The following CUBN variants were observed in gnomAD, a reference collection of about 807,000 sequenced individuals.
CUBN encodes cubilin.
CUBN carries 282 observed loss-of-function variants against 405.3 expected under a neutral mutation model. The ratio of observed to expected loss-of-function variants is 0.70; its 90% CI spans 0.63 to 0.77. The LOEUF (loss-of-function observed/expected upper bound fraction) is 0.77, where lower values mean the gene tolerates loss of function less well. Ranked by LOEUF, CUBN falls within the 30% of genes least tolerant of loss-of-function variation. CUBN has a pLI of 0.00. For synonymous variants in CUBN, 1,684 were observed against 1,617.0 expected (o/e 1.04, Z -0.99); for missense variants, 4,514 against 4,475.2 (o/e 1.01, Z -0.25).
intron 8 of CUBN, among the ~76,000 whole-genome samples, chr10:17,111,257 T>C (rs1162351903): frequency 6.6e-6 from 1 of 152,224 alleles, no homozygotes; most frequent in African/African-American, 2.4e-5. Flanking sequence ...TCTTATATGC[T>C]GATAGCTAGA....
intron 22 of CUBN, among the ~76,000 whole-genome samples, chr10:17,052,010 A>G (rs1223000897): frequency 1.3e-5 from 2 of 151,770 alleles, no homozygotes; most frequent in Non-Finnish European, 2.9e-5. Context: ...TGAATCTATT[A>G]GAAAACAGAA....
At chr10:16,836,169 A>G in intron 63 of CUBN, 66 bp downstream of exon 63, 3 of 1,438,100 alleles carry the variant, frequency 2.1e-6, no homozygotes, top group Non-Finnish European at 9.8e-7. Context: ...AATAATTGTA[A>G]TTATTCTACG....
chr10:17,109,618 A>G, intron 10 of CUBN, 22 bp downstream of exon 10: 1 of 1,592,632 alleles, frequency 6.3e-7, no homozygotes, highest in Non-Finnish European at 8.6e-7. Context: ...ACCCAAAGCC[A>G]AAGAGAGAGA....
rs1400526427 is a variant in CUBN at position 17,123,606 on chromosome 10, G to A, written c.471C>T (p.Ile157=). 1 of 1,613,540 alleles carries A rather than the reference G, an allele frequency of 6.2e-7. No individual in the cohort carries two copies. Among genetic ancestry groups the A allele is most frequent in the East Asian group, 2.2e-5 (1 of 44,868 alleles). Residue 157 remains isoleucine, a synonymous_variant, in exon 5 of 67, where the codon ATC becomes ATT. Transcript: ENST00000377833. ...GACTCACCTTCCACTGTGGGGGACA[G>A]ATACAAAAAAAGGAATCATGCAGAT... ...CLNLHDSFFC[I]CPPQWKGPLC...
At position 17,127,911 on chromosome 10, in the gene CUBN, T is replaced by C. The variant is rs1423213819; in HGVS notation, c.266A>G (p.Lys89Arg). The change falls in exon 3 of 67, where the codon AAA (lysine) becomes AGA (arginine). Residue 89 changes from lysine to arginine, a missense_variant. Physicochemically the swap from Lys to Arg is conservative, Grantham distance 26 (BLOSUM62 2). This residue lies in a region of CUBN where 1,448 missense variants were observed against 1,388.0 expected (regional missense o/e 1.04). Transcript: ENST00000377833. The part of the protein sequence containing the change: ...SECLHQIQKN[K>R]EDIIELKGSA... ...CCCTTTTAACTCTATAATATCTTCT[T>C]TGTTTTTCTGGATCTAATTTTAGAA... 1.2e-6 allele frequency: 2 copies of C among 1,604,476 alleles called. No individual in the cohort carries two copies. Among genetic ancestry groups the C allele is most frequent in the African/African-American group, 2.7e-5 (2 of 74,852 alleles).
At chr10:17,115,727 G>A in intron 6 of CUBN, 130 bp from the exon 7 acceptor site, 1 of 1,120,762 alleles carries the variant, frequency 8.9e-7, no homozygotes, top group Non-Finnish European at 1.3e-6. Context: ...AGCCAGCAAT[G>A]CAAATTTACT....
At chr10:16,884,323 G>A (rs1222335029) in intron 56 of CUBN, among the ~76,000 whole-genome samples, 1 of 151,962 alleles carries the variant, frequency 6.6e-6, no homozygotes, top group Non-Finnish European at 1.5e-5. Context: ...GGTTTAGAAG[G>A]CACTGGCTTG....
At chr10:17,120,278 CCT>C (rs1837006218) in intron 6 of CUBN, among the ~76,000 whole-genome samples, 1 of 152,212 alleles carries the variant, frequency 6.6e-6, no homozygotes, top group Non-Finnish European at 1.5e-5. Context: ...TGCTCATGCA[CCT>C]TTTTTCATTT....
At chr10:17,088,078 TG>T (rs1233133420) in intron 15 of CUBN, 85 bp downstream of exon 15, 1 of 953,696 alleles carries the variant, frequency 1.0e-6, no homozygotes, top group Non-Finnish European at 1.7e-6. Flanking sequence ...GCTAATATTT[TG>T]GGGTCATCCA....
At chr10:17,027,052 C>T (rs1834686480) in intron 27 of CUBN, among the ~76,000 whole-genome samples, 1 of 152,206 alleles carries the variant, frequency 6.6e-6, no homozygotes, top group Non-Finnish European at 1.5e-5. Flanking sequence ...CATATAAAAA[C>T]CAGCGTTTCC....
rs1168140056 is a variant in CUBN, at chr10:17,043,976, T to C, written c.3680A>G (p.Asp1227Gly). ...CAGATGAGAGTTGCTACTTGGGCCA[T>C]CATATACCTTTAAGAAAATATTTTG... ...NCTLDYLAVY[D>G]GPSSNSHLLT... Residue 1227 changes from aspartate to glycine, a missense_variant, in exon 26 of 67, where the codon GAT (aspartate) becomes GGT (glycine). By Grantham distance (94) the Asp-to-Gly change is moderately conservative. This residue lies in a region of CUBN where 242 missense variants were observed against 309.0 expected (regional missense o/e 0.78). Coordinates refer to ENST00000377833, the MANE Select transcript of CUBN (RefSeq NM_001081.4). 2 of 1,612,766 alleles carry C rather than the reference T, an allele frequency of 1.2e-6. No individual in the cohort carries two copies. The highest frequency in any genetic ancestry group is 8.5e-7 in the Non-Finnish European group (1 of 1,179,160).
At chr10:17,096,167 A>T (rs1284269868) in intron 14 of CUBN, among the ~76,000 whole-genome samples, 1 of 152,078 alleles carries the variant, frequency 6.6e-6, no homozygotes, top group East Asian at 1.9e-4. Context: ...GTCAAAGGCT[A>T]AAACGTTTAT....
At chr10:16,850,707 A>C (rs1482985151) in intron 60 of CUBN, among the ~76,000 whole-genome samples, 1 of 152,198 alleles carries the variant, frequency 6.6e-6, no homozygotes, top group Admixed American at 6.5e-5. Flanking sequence ...TCCTGGCCTC[A>C]AGTGATCCTC....
At chr10:16,991,902 A>G (rs1465509692) in intron 28 of CUBN, among the ~76,000 whole-genome samples, 2 of 152,216 alleles carry the variant, frequency 1.3e-5, no homozygotes, top group Admixed American at 1.3e-4. Context: ...TATATACCCA[A>G]AGGAATATAA....
At chr10:17,128,810 A>C (rs1377919608) in intron 2 of CUBN, among the ~76,000 whole-genome samples, 1 of 152,214 alleles carries the variant, frequency 6.6e-6, no homozygotes, top group Non-Finnish European at 1.5e-5. Flanking sequence ...AGTTAGATAG[A>C]AGAAATAAGA....
At chr10:17,068,346 G>T in intron 20 of CUBN, 66 bp from the exon 21 acceptor site, 1 of 1,494,894 alleles carries the variant, frequency 6.7e-7, no homozygotes, top group Non-Finnish European at 9.3e-7. Context: ...AAATTAAAAG[G>T]CTCTGATAAT....
At chr10:16,934,212 T>C (rs1842436202) in intron 39 of CUBN, among the ~76,000 whole-genome samples, 1 of 152,208 alleles carries the variant, frequency 6.6e-6, no homozygotes, top group Non-Finnish European at 1.5e-5. Context: ...GTGATTTTTC[T>C]TGAATAAATA....
At chr10:17,023,033 G>A (rs148129786) in intron 27 of CUBN, among the ~76,000 whole-genome samples, 50 of 152,252 alleles carry the variant, frequency 3.3e-4, no homozygotes, top group African/African-American at 8.4e-4. Context: ...GAACAGCATA[G>A]CATTTTTGCC....
chr10:16,934,971 A>G (rs1054175741), intron 39 of CUBN, among the ~76,000 whole-genome samples: 1 of 152,088 alleles, frequency 6.6e-6, no homozygotes, highest in Non-Finnish European at 1.5e-5. Context: ...TGACTGACAC[A>G]CTGACTGCTT....
Sources: gnomAD v4.1 joint callset for allele counts (sites outside exome capture counted in the v4.1 genomes callset) on GRCh38, gnomAD v4.1.1 for gene constraint, gnomAD v4.1.1 regional missense constraint, MANE v1.5 for transcripts, NCBI Gene and HGNC (gene_info 2026-07-23, HGNC 2026-07-21) for gene names.